The following RUNX1 variants were observed in gnomAD, a reference collection of about 807,000 sequenced individuals.
RUNX1 encodes RUNX family transcription factor 1, also known as runt-related transcription factor 1.
A neutral mutation model predicts 42.8 loss-of-function variants in RUNX1; 19 were observed. That is an observed-to-expected ratio of 0.44 (90% CI 0.31 to 0.65). The LOEUF (loss-of-function observed/expected upper bound fraction) is 0.65. Ranked by LOEUF, RUNX1 falls within the 30% of genes least tolerant of loss-of-function variation. RUNX1 has a pLI of 0.07. For missense variants in RUNX1, 528 were observed against 672.0 expected (o/e 0.79, Z 2.37); for synonymous variants, 271 against 289.4 (o/e 0.94, Z 0.64).
intron 6 of RUNX1, among the ~76,000 whole-genome samples, chr21:34,847,931 C>CT (rs1177174192): frequency 8.7e-5 from 13 of 149,454 alleles, no homozygotes; most frequent in Non-Finnish European, 1.5e-4. Flanking sequence ...TTTTTTTCTT[C>CT]TTTTTTTTTA....
intron 4 of RUNX1, among the ~76,000 whole-genome samples, chr21:34,885,501 A>C (rs1047214056): frequency 3.3e-5 from 5 of 152,234 alleles, no homozygotes; most frequent in Non-Finnish European, 7.3e-5. Flanking sequence ...AACAAACAAA[A>C]AAAACTGCTT....
At chr21:35,046,815 T>A (rs1160794736) in intron 2 of RUNX1, among the ~76,000 whole-genome samples, 1 of 151,876 alleles carries the variant, frequency 6.6e-6, no homozygotes, top group Admixed American at 6.6e-5. Flanking sequence ...GAACCCTGAG[T>A]TCCTTTCACT....
intron 7 of RUNX1, among the ~76,000 whole-genome samples, chr21:34,828,115 C>T (rs1569031199): frequency 1.3e-5 from 2 of 152,354 alleles, no homozygotes; most frequent in East Asian, 1.9e-4. Context: ...GAAGTTTGGG[C>T]TGAGCCCAGC....
intron 6 of RUNX1, among the ~76,000 whole-genome samples, chr21:34,847,928 C>A (rs1198877191): frequency 2.0e-5 from 3 of 150,100 alleles, no homozygotes; most frequent in Admixed American, 1.3e-4. Flanking sequence ...TTTTTTTTTT[C>A]TTCTTTTTTT....
At chr21:34,969,606 T>C (rs1480393667) in intron 2 of RUNX1, among the ~76,000 whole-genome samples, 1 of 152,094 alleles carries the variant, frequency 6.6e-6, no homozygotes. Context: ...GGAGACCATA[T>C]GATATCTCTC....
chr21:35,047,564 C>G (rs1568814532), intron 2 of RUNX1, among the ~76,000 whole-genome samples: 1 of 66,760 alleles, frequency 1.5e-5, no homozygotes, highest in Non-Finnish European at 3.1e-5. Flanking sequence ...CACACACACT[C>G]TCTCTCTCTC....
chr21:34,964,381 G>A (rs1364792978), intron 2 of RUNX1, among the ~76,000 whole-genome samples: 1 of 151,846 alleles, frequency 6.6e-6, no homozygotes, highest in African/African-American at 2.4e-5. Context: ...CCAGCTACTC[G>A]GGAGGCTGAG....
At chr21:35,044,693 T>G (rs2059383852) in intron 2 of RUNX1, among the ~76,000 whole-genome samples, 1 of 152,234 alleles carries the variant, frequency 6.6e-6, no homozygotes, top group South Asian at 2.1e-4. Flanking sequence ...TCTCTAGGCC[T>G]TGGGCTCCTT....
chr21:34,942,363 T>C (rs2058533871), intron 2 of RUNX1, among the ~76,000 whole-genome samples: 1 of 152,154 alleles, frequency 6.6e-6, no homozygotes, highest in Non-Finnish European at 1.5e-5. Flanking sequence ...CTATACCTGG[T>C]AAGGCTATAT....
rs144460378 is a variant in RUNX1 at position 35,041,166 on chromosome 21, C to T, written c.58+7676G>A. On this transcript the variant is annotated intron_variant, in intron 2 of 8. Transcript: ENST00000675419. ...AGTCACAGTCTCTACGGAGGGTATT[C>T]TAACGCCCAGAAGTAAAAGTTGGAT... Among the ~76,000 whole-genome samples the T allele has an allele frequency of 1.3e-4, 20 of 152,314 alleles. No homozygotes were observed. The East Asian group carries it at 3.7e-3, about 28-fold the overall frequency.
At chr21:34,967,693 AATCCCAACACT>A (rs1194682911) in intron 2 of RUNX1, among the ~76,000 whole-genome samples, 1 of 152,214 alleles carries the variant, frequency 6.6e-6, no homozygotes, top group Admixed American at 6.5e-5. Context: ...GTGACTCATT[AATCCCAACACT>A]GGGATCCTCT....
At chr21:34,806,853 A>G (rs2056687122) in intron 7 of RUNX1, among the ~76,000 whole-genome samples, 1 of 152,226 alleles carries the variant, frequency 6.6e-6, no homozygotes, top group South Asian at 2.1e-4. Context: ...AGATTAAACA[A>G]CATACTTCTA....
chr21:34,861,059 A>T (rs1440764490), intron 5 of RUNX1, among the ~76,000 whole-genome samples: 1 of 152,230 alleles, frequency 6.6e-6, no homozygotes, highest in Admixed American at 6.5e-5. Context: ...AGTGACTTCC[A>T]TGGAGCAGAG....
chr21:34,850,953 C>T (rs1202839227), intron 6 of RUNX1, among the ~76,000 whole-genome samples: 1 of 152,152 alleles, frequency 6.6e-6, no homozygotes, highest in Non-Finnish European at 1.5e-5. Flanking sequence ...GTGTGCCAGG[C>T]ATGGTTCTAA....
At chr21:34,961,869 C>T (rs1569126619) in intron 2 of RUNX1, among the ~76,000 whole-genome samples, 1 of 152,078 alleles carries the variant, frequency 6.6e-6, no homozygotes, top group South Asian at 2.1e-4. Flanking sequence ...TTCAACAGTT[C>T]TTATTGTTTT....
chr21:34,851,259 G>T (rs2057414461), intron 6 of RUNX1, among the ~76,000 whole-genome samples: 1 of 152,238 alleles, frequency 6.6e-6, no homozygotes, highest in South Asian at 2.1e-4. Flanking sequence ...ATGTGGATTT[G>T]CCTGATGTGA....
chr21:34,880,757 T>C (rs2057891702), intron 4 of RUNX1, 44 bp from the exon 5 acceptor site: 6 of 1,597,270 alleles, frequency 3.8e-6, no homozygotes, highest in African/African-American at 1.3e-5. Context: ...AGGGATGTTA[T>C]ACATACACTT....
At chr21:34,946,355 G>T (rs149989388) in intron 2 of RUNX1, among the ~76,000 whole-genome samples, 1 of 152,092 alleles carries the variant, frequency 6.6e-6, no homozygotes, top group African/African-American at 2.4e-5. Context: ...CATGGGCTTG[G>T]GGGGAGGTTC....
intron 5 of RUNX1, among the ~76,000 whole-genome samples, chr21:34,878,276 T>C (rs933840425): frequency 9.4e-5 from 14 of 149,728 alleles, no homozygotes; most frequent in Admixed American, 8.0e-4. Flanking sequence ...ATTTTATGAC[T>C]ATGGAAAGAA....
Sources: gnomAD v4.1 joint callset for allele counts (sites outside exome capture counted in the v4.1 genomes callset) on GRCh38, gnomAD v4.1.1 for gene constraint, MANE v1.5 for transcripts, NCBI Gene and HGNC (gene_info 2026-07-23, HGNC 2026-07-21) for gene names.